PCSK2: variants seen among roughly 807,000 people sequenced by gnomAD.
The protein encoded by PCSK2 is proprotein convertase subtilisin/kexin type 2.
A neutral mutation model predicts 69.7 loss-of-function variants in PCSK2; 14 were observed. That is an observed-to-expected ratio of 0.20 (90% CI 0.13 to 0.31). The LOEUF is 0.31. PCSK2 is among the 10% of genes least tolerant of loss of function. The pLI, the probability that PCSK2 is intolerant of heterozygous loss-of-function variation, is 1.00. For synonymous variants in PCSK2, 307 were observed against 320.7 expected (o/e 0.96, Z 0.46); for missense variants, 544 against 842.5 (o/e 0.65, Z 4.39).
intron 6 of PCSK2, among the ~76,000 whole-genome samples, chr20:17,417,992 G>A (rs1402716415): frequency 6.6e-6 from 1 of 152,180 alleles, no homozygotes; most frequent in Non-Finnish European, 1.5e-5. Flanking sequence ...CTTCAGTTTG[G>A]TATCATGAAA....
intron 2 of PCSK2, among the ~76,000 whole-genome samples, chr20:17,292,103 G>A (rs192788397): frequency 3.9e-4 from 60 of 152,284 alleles, no homozygotes; most frequent in East Asian, 1.7e-3. Flanking sequence ...CGAATACAGC[G>A]CATGGATATT....
chr20:17,279,749 T>G (rs148038554), intron 2 of PCSK2, among the ~76,000 whole-genome samples: 2,202 of 141,898 alleles, frequency 0.016, 30 homozygotes, highest in Middle Eastern at 0.052. Flanking sequence ...ATCGCGCCAC[T>G]GCACTCCTGC....
chr20:17,392,192 A>G (rs2031400378), intron 5 of PCSK2, among the ~76,000 whole-genome samples: 1 of 152,198 alleles, frequency 6.6e-6, no homozygotes, highest in Admixed American at 6.5e-5. Flanking sequence ...CCTGAAGGAA[A>G]CTACGCCTGT....
rs980870547 is a variant in PCSK2 at position 17,465,349 on chromosome 20, T to C, written c.1226T>C (p.Met409Thr). Residue 409 changes from methionine to threonine, a missense_variant, in exon 11 of 12, where the codon ATG (methionine) becomes ACG (threonine). Physicochemically the swap from Met to Thr is moderately conservative, Grantham distance 81 (BLOSUM62 -1). Transcript: ENST00000262545. The stretch of plus-strand genomic sequence containing the variant: ...AGCCTGGGTCTGACCTGGCGGGACA[T>C]GCAGCATCTGACTGTGCTCACCTCC... ...EANLGLTWRDMQHLTVLTSKR... is the reference protein window; with the variant it reads ...EANLGLTWRDTQHLTVLTSKR... 2.5e-6 allele frequency: 4 copies of C among 1,614,160 alleles called. No individual in the cohort carries two copies. The highest frequency in any genetic ancestry group is 3.4e-6 in the Non-Finnish European group (4 of 1,180,012).
At chr20:17,437,872 T>A (rs1299961999) in intron 8 of PCSK2, among the ~76,000 whole-genome samples, 1 of 152,228 alleles carries the variant, frequency 6.6e-6, no homozygotes, top group Non-Finnish European at 1.5e-5. Flanking sequence ...ACCAAACTGT[T>A]GCGTCTTCAT....
chr20:17,338,263 G>C (rs6111512), intron 2 of PCSK2, among the ~76,000 whole-genome samples: 91,456 of 150,470 alleles, frequency 0.61, 29,130 homozygotes, highest in East Asian at 0.97. Context: ...GTGGTTCCAT[G>C]TCAGATCACT....
At chr20:17,474,720 C>T (rs2033263008) in intron 11 of PCSK2, among the ~76,000 whole-genome samples, 2 of 152,132 alleles carry the variant, frequency 1.3e-5, no homozygotes, top group Non-Finnish European at 2.9e-5. Flanking sequence ...AGTGAGGCTC[C>T]TTCTTGGGAC....
intron 6 of PCSK2, among the ~76,000 whole-genome samples, chr20:17,415,614 A>C (rs1022843011): frequency 6.6e-6 from 1 of 152,202 alleles, no homozygotes; most frequent in Admixed American, 6.5e-5. Context: ...GCCCAAGGTA[A>C]TTTGTAGATT....
rs189072026 is a variant in PCSK2 at position 17,407,342 on chromosome 20, A to G, written c.544-1921A>G. ...ATTTCCACCCACCTCACCTTAGGGA[A>G]TTTTAATTTTTTCTAAAGAGAAACA... is the stretch of plus-strand genomic sequence containing the variant. On this transcript the variant is annotated intron_variant, in intron 5 of 11. Coordinates refer to ENST00000262545, the MANE Select transcript of PCSK2 (RefSeq NM_002594.5). 5.9e-5 allele frequency among the ~76,000 whole-genome samples: 9 copies of G among 152,224 alleles called. No homozygotes were observed. In the East Asian group the frequency reaches 1.7e-3, roughly 29 times the overall value.
chr20:17,249,529 A>G (rs1208830101), intron 1 of PCSK2, among the ~76,000 whole-genome samples: 1 of 148,312 alleles, frequency 6.7e-6, no homozygotes, highest in African/African-American at 2.5e-5. Context: ...AAAAAGTTGC[A>G]TAAATAGCAC....
intron 8 of PCSK2, among the ~76,000 whole-genome samples, chr20:17,444,585 A>C (rs1335861917): frequency 6.6e-6 from 1 of 152,178 alleles, no homozygotes; most frequent in Admixed American, 6.5e-5. Flanking sequence ...TCAATAATTG[A>C]CTTCTGTCTT....
chr20:17,433,591 G>C (rs1379135830), intron 7 of PCSK2, among the ~76,000 whole-genome samples: 1 of 152,216 alleles, frequency 6.6e-6, no homozygotes, highest in Non-Finnish European at 1.5e-5. Flanking sequence ...AGTGCATGCT[G>C]CACAGGCAGA....
intron 1 of PCSK2, among the ~76,000 whole-genome samples, chr20:17,253,299 T>C (rs549899024): frequency 1.3e-5 from 2 of 152,302 alleles, no homozygotes; most frequent in African/African-American, 4.8e-5. Context: ...TCATTACCAG[T>C]ATCTAATTTT....
chr20:17,437,557 T>G (rs1381251781), intron 8 of PCSK2, among the ~76,000 whole-genome samples: 1 of 152,126 alleles, frequency 6.6e-6, no homozygotes, highest in Non-Finnish European at 1.5e-5. Context: ...TGGGCTCCAG[T>G]CTATCAGGAA....
At chr20:17,339,756 T>C (rs1436392427) in intron 2 of PCSK2, among the ~76,000 whole-genome samples, 2 of 152,196 alleles carry the variant, frequency 1.3e-5, no homozygotes, top group African/African-American at 4.8e-5. Flanking sequence ...TACACACTGA[T>C]AAATCTGGAA....
At chr20:17,384,425 C>CAAAAAAAAAA (rs11478291) in intron 5 of PCSK2, among the ~76,000 whole-genome samples, 7 of 106,540 alleles carry the variant, frequency 6.6e-5, no homozygotes, top group South Asian at 3.3e-4. Flanking sequence ...CCATATCTAC[C>CAAAAAAAAAA]AAAAAAAAAA....
intron 5 of PCSK2, among the ~76,000 whole-genome samples, chr20:17,375,237 G>A (rs1042695974): frequency 6.6e-6 from 1 of 152,106 alleles, no homozygotes; most frequent in Non-Finnish European, 1.5e-5. Context: ...AGAAACCAGT[G>A]CAGTTGTTCA....
At chr20:17,323,021 C>T (rs2424070) in intron 2 of PCSK2, among the ~76,000 whole-genome samples, 13,454 of 152,060 alleles carry the variant, frequency 0.088, 726 homozygotes, top group African/African-American at 0.14. Context: ...CATGCCACCA[C>T]GCCTGGCTAA....
chr20:17,294,308 G>A (rs1430154088), intron 2 of PCSK2, among the ~76,000 whole-genome samples: 1 of 151,064 alleles, frequency 6.6e-6, no homozygotes, highest in African/African-American at 2.4e-5. Flanking sequence ...GGGTTTCACC[G>A]TGTTAGCCAG....
Sources: allele counts gnomAD v4.1 joint callset (sites outside exome capture counted in the v4.1 genomes callset), GRCh38; gene constraint gnomAD v4.1.1; transcripts MANE v1.5; gene names NCBI Gene and HGNC (gene_info 2026-07-23, HGNC 2026-07-21).